Variants in ZNF124 observed in about 807,000 individuals in gnomAD.
ZNF124 encodes zinc finger protein 124.
ZNF124 carries 25 observed loss-of-function variants against 26.6 expected under a neutral mutation model. The ratio of observed to expected loss-of-function variants is 0.94; its 90% confidence interval spans 0.68 to 1.31. The LOEUF (loss-of-function observed/expected upper bound fraction) is 1.31, where lower values mean the gene tolerates loss of function less well. Ranked by LOEUF, ZNF124 falls within the 40% of genes most tolerant of loss-of-function variation. The probability of loss-of-function intolerance (pLI) is 0.00; values close to 1 mark genes in which losing one functional copy is unlikely to be tolerated. For missense variants in ZNF124, 444 were observed against 422.2 expected, an observed-to-expected ratio of 1.05 and a Z score of -0.45; for synonymous variants, 129 against 133.3, an observed-to-expected ratio of 0.97 and a Z score of 0.22.
chr1:247,163,815 A>T (rs1438733000), intron 1 of ZNF124, among the ~76,000 whole-genome samples: 1 of 152,042 alleles, frequency 6.6e-6, no homozygotes, highest in Admixed American at 6.6e-5. Flanking sequence ...GGCATACAAC[A>T]CATGGCAGGC....
chr1:247,163,471 TAA>T (rs564852380), intron 1 of ZNF124, among the ~76,000 whole-genome samples: 21 of 133,274 alleles, frequency 1.6e-4, no homozygotes, highest in South Asian at 4.8e-4. Context: ...TCACAGAAAC[TAA>T]AAAAAAAAAA....
At chr1:247,147,124 C>T (rs1385394791) in intron 3 of ZNF124, among the ~76,000 whole-genome samples, 1 of 146,198 alleles carries the variant, frequency 6.8e-6, no homozygotes, top group Non-Finnish European at 1.5e-5. Flanking sequence ...CAGCTAATTA[C>T]TTTTATCTCG....
chr1:247,172,106 G>T, upstream of ZNF124: 1 of 112,794 alleles, frequency 8.9e-6, no homozygotes, highest in African/African-American at 3.6e-5. Context: ...TAGGGCCTCA[G>T]GCCCCGCCCC....
downstream of ZNF124, among the ~76,000 whole-genome samples, chr1:247,150,663 GAACA>G (rs889028951): frequency 6.6e-5 from 10 of 150,990 alleles, no homozygotes; most frequent in Non-Finnish European, 1.5e-4. Context: ...GCTGGGGAAA[GAACA>G]AATAAAATTC....
At chr1:247,132,574 C>T (rs1483153833) in intron 3 of ZNF124, among the ~76,000 whole-genome samples, 2 of 152,158 alleles carry the variant, frequency 1.3e-5, no homozygotes, top group Admixed American at 6.5e-5. Flanking sequence ...GGAGACCACC[C>T]CTCATATTGT....
At chr1:247,145,752 C>G (rs1312229581) in intron 3 of ZNF124, among the ~76,000 whole-genome samples, 1 of 152,084 alleles carries the variant, frequency 6.6e-6, no homozygotes, top group African/African-American at 2.4e-5. Flanking sequence ...CTTCAGCCTC[C>G]CGAGTAGCTG....
chr1:247,157,852 G>C (rs535658714), intron 3 of ZNF124, among the ~76,000 whole-genome samples: 1 of 151,952 alleles, frequency 6.6e-6, no homozygotes, highest in African/African-American at 2.4e-5. Flanking sequence ...ATGACCTGGT[G>C]TGAGGTGCTT....
At chr1:247,139,663 TC>T (rs201921331) in intron 3 of ZNF124, among the ~76,000 whole-genome samples, 2,115 of 152,348 alleles carry the variant, frequency 0.014, 46 homozygotes, top group African/African-American at 0.048. Flanking sequence ...AGTGCTCCTT[TC>T]AAGATCTCTC....
At chr1:247,169,934 C>A (rs1572106364) in intron 1 of ZNF124, among the ~76,000 whole-genome samples, 1 of 102,584 alleles carries the variant, frequency 9.7e-6, no homozygotes, top group South Asian at 3.4e-4. Context: ...AGAGGCTCCA[C>A]CCCTAAACCT....
chr1:247,163,393 A>AGAAAG (rs530058974), intron 1 of ZNF124, among the ~76,000 whole-genome samples: 1 of 16,408 alleles, frequency 6.1e-5, no homozygotes, highest in Non-Finnish European at 1.9e-4. Flanking sequence ...AGCTAGACTA[A>AGAAAG]TAAAGAAAAG....
rs180793388 is a variant in ZNF124, at chr1:247,158,665, T to C, written c.218+341A>G. Among the ~76,000 whole-genome samples, 110 of 152,228 alleles carry C rather than the reference T, an allele frequency of 7.2e-4. 1 individual carries two copies. Among genetic ancestry groups the C allele is most frequent in the Admixed American group, 1.2e-3 (19 of 15,304 alleles). Reference sequence around the variant, plus strand: ...TTTCCCCGAGATGGTGTTTTGCTCTTGTTTCCCTGGCTGGAGTGCAATGGC... The same window carrying C: ...TTTCCCCGAGATGGTGTTTTGCTCTCGTTTCCCTGGCTGGAGTGCAATGGC... On this transcript the variant is annotated intron_variant, in intron 3 of 3. Transcript: ENST00000543802.
At chr1:247,164,083 A>G (rs1320180526) in intron 1 of ZNF124, among the ~76,000 whole-genome samples, 1 of 152,244 alleles carries the variant, frequency 6.6e-6, no homozygotes, top group Non-Finnish European at 1.5e-5. Flanking sequence ...AGCTTTAAAT[A>G]AATTTCAACA....
chr1:247,125,834 G>A (rs985603913), intron 3 of ZNF124, among the ~76,000 whole-genome samples: 5 of 152,190 alleles, frequency 3.3e-5, no homozygotes, highest in Non-Finnish European at 5.9e-5. Context: ...TAAACTACAT[G>A]CAGCAATGTG....
chr1:247,164,139 A>G (rs1673649321), intron 1 of ZNF124, among the ~76,000 whole-genome samples: 1 of 152,262 alleles, frequency 6.6e-6, no homozygotes, highest in South Asian at 2.1e-4. Flanking sequence ...TCGGAGAAAC[A>G]TACTTCAAAA....
At chr1:247,165,248 G>A (rs1673713540) in intron 1 of ZNF124, among the ~76,000 whole-genome samples, 1 of 152,150 alleles carries the variant, frequency 6.6e-6, no homozygotes, top group Non-Finnish European at 1.5e-5. Context: ...TTACAGGCGT[G>A]AGCCACTGCG....
chr1:247,135,615 T>C (rs1221796433), intron 3 of ZNF124, among the ~76,000 whole-genome samples: 1 of 152,144 alleles, frequency 6.6e-6, no homozygotes, highest in East Asian at 1.9e-4. Context: ...GAGGAGCAGA[T>C]ACCATTCCTT....
chr1:247,157,295 A>G lies in ZNF124; in HGVS notation c.327T>C (p.Val109=), dbSNP rs1673207426. The G allele has an allele frequency of 6.2e-7, 1 of 1,604,624 alleles. No individual in the cohort carries two copies. The highest frequency in any genetic ancestry group is 8.5e-7 in the Non-Finnish European group (1 of 1,174,416). Residue 109 remains valine, a synonymous_variant, in exon 4 of 4, where the codon GTT becomes GTC. Transcript: ENST00000543802. ...CAGTGTGCATTACTGTGTCTCTGTG[A>G]ACCCTTGTGACAGAAAGGGAAGTTT... is the stretch of plus-strand genomic sequence containing the variant. The part of the protein sequence containing the change: ...CQKTSLSVTR[V]HRDTVMHTGN...
chr1:247,166,545 A>C (rs574059574), intron 1 of ZNF124, among the ~76,000 whole-genome samples: 21 of 152,336 alleles, frequency 1.4e-4, no homozygotes, highest in Non-Finnish European at 2.5e-4. Flanking sequence ...TAAAATAAAC[A>C]TTTACAAAAT....
chr1:247,161,894 G>A (rs773525079), intron 1 of ZNF124, among the ~76,000 whole-genome samples: 8 of 152,140 alleles, frequency 5.3e-5, no homozygotes, highest in Non-Finnish European at 1.0e-4. Context: ...GCTATTTCCA[G>A]TAATTTGAAC....
Sources: allele counts gnomAD v4.1 joint callset (sites outside exome capture counted in the v4.1 genomes callset), GRCh38; gene constraint gnomAD v4.1.1; transcripts MANE v1.5; gene names NCBI Gene and HGNC (gene_info 2026-07-23, HGNC 2026-07-21).